APOO: variants seen among roughly 807,000 people sequenced by gnomAD.
APOO encodes MICOS complex subunit MIC26.
APOO carries 11 observed loss-of-function variants against 23.1 expected under a neutral mutation model. The ratio of observed to expected loss-of-function variants is 0.48; its 90% confidence interval spans 0.30 to 0.79. The LOEUF is 0.79. Among genes scored for constraint, APOO ranks in the 30% least tolerant of loss-of-function variants. The pLI, the probability that APOO is intolerant of heterozygous loss-of-function variation, is 0.07. For missense variants in APOO, 160 were observed against 142.7 expected (o/e 1.12, Z -0.62); for synonymous variants, 59 against 54.8 (o/e 1.08, Z -0.34).
intron 8 of APOO, among the ~76,000 whole-genome samples, chrX:23,839,672 T>A (rs907867270): frequency 8.9e-6 from 1 of 111,962 alleles, no homozygotes; most frequent in African/African-American, 3.2e-5. Context: ...ACACTTTCTG[T>A]CGTATCTCCT....
At chrX:23,847,059 G>C (rs943911030) in intron 7 of APOO, among the ~76,000 whole-genome samples, 1 of 111,402 alleles carries the variant, frequency 9.0e-6, no homozygotes, top group Non-Finnish European at 1.9e-5. Context: ...GGCATTTCAA[G>C]AAGAAGCCAA....
intron 7 of APOO, among the ~76,000 whole-genome samples, chrX:23,850,553 G>A (rs1024631574): frequency 3.6e-5 from 4 of 111,888 alleles, no homozygotes; most frequent in African/African-American, 9.7e-5. Flanking sequence ...ATGACCAGGC[G>A]CAGTGGCTCA....
At chrX:23,846,880 ACTT>A (rs1455999018) in intron 7 of APOO, among the ~76,000 whole-genome samples, 1 of 111,543 alleles carries the variant, frequency 9.0e-6, no homozygotes, top group East Asian at 2.8e-4. Flanking sequence ...TACATGAAGA[ACTT>A]CTTCTGATCA....
At chrX:23,894,666 T>G (rs1330694456) in intron 1 of APOO, among the ~76,000 whole-genome samples, 2 of 108,423 alleles carry the variant, frequency 1.8e-5, no homozygotes, top group Non-Finnish European at 3.8e-5. Context: ...CATGGTGGAG[T>G]GCGCCTGTAA....
intron 1 of APOO, among the ~76,000 whole-genome samples, chrX:23,883,208 C>T (rs181076203): frequency 5.4e-5 from 6 of 111,781 alleles, no homozygotes; most frequent in Admixed American, 2.8e-4. Context: ...TGAGGACAGG[C>T]ATTTCTGTTT....
intron 5 of APOO, among the ~76,000 whole-genome samples, chrX:23,865,894 C>A (rs1925315891): frequency 9.0e-6 from 1 of 111,291 alleles, no homozygotes; most frequent in Non-Finnish European, 1.9e-5. Flanking sequence ...TTAATACTAC[C>A]AAGCTCTCCC....
At chrX:23,873,372 C>T (rs1569236721) in intron 4 of APOO, among the ~76,000 whole-genome samples, 1 of 111,260 alleles carries the variant, frequency 9.0e-6, no homozygotes, top group Non-Finnish European at 1.9e-5. Context: ...TATTTTGGGC[C>T]GAGGCGGGCA....
At chrX:23,854,276 G>A (rs888679332) in intron 7 of APOO, among the ~76,000 whole-genome samples, 2 of 111,770 alleles carry the variant, frequency 1.8e-5, no homozygotes, top group African/African-American at 3.2e-5. Flanking sequence ...AGAGGCTCCC[G>A]CAGCCCTCAC....
chrX:23,875,809 T>G (rs1199226886), intron 3 of APOO, among the ~76,000 whole-genome samples: 2 of 111,164 alleles, frequency 1.8e-5, no homozygotes, highest in Admixed American at 1.9e-4. Flanking sequence ...AATGCCGAAT[T>G]AGCCAGAAGA....
intron 1 of APOO, among the ~76,000 whole-genome samples, chrX:23,907,422 G>C (rs1230056016): frequency 1.8e-5 from 2 of 112,348 alleles, no homozygotes; most frequent in Non-Finnish European, 3.8e-5. Context: ...TTTGGGGGAA[G>C]GCACTTTAAA....
At chrX:23,906,683 A>G (rs1927371949) in intron 1 of APOO, among the ~76,000 whole-genome samples, 1 of 112,482 alleles carries the variant, frequency 8.9e-6, no homozygotes, top group African/African-American at 3.2e-5. Context: ...GTAAGAGCAA[A>G]TACTAGGCCT....
At chrX:23,860,707 A>G (rs1462763074) in intron 5 of APOO, among the ~76,000 whole-genome samples, 1 of 106,670 alleles carries the variant, frequency 9.4e-6, no homozygotes, top group Non-Finnish European at 1.9e-5. Context: ...GTTTTTGTAG[A>G]CACGGGGTTT....
chrX:23,844,412 C>A (rs1024114231), intron 7 of APOO, among the ~76,000 whole-genome samples: 1 of 110,897 alleles, frequency 9.0e-6, no homozygotes, highest in Non-Finnish European at 1.9e-5. Flanking sequence ...TAATCAGTTG[C>A]CCTTAAAATA....
intron 1 of APOO, among the ~76,000 whole-genome samples, chrX:23,905,640 G>A (rs1008576112): frequency 3.6e-5 from 4 of 111,423 alleles, no homozygotes; most frequent in African/African-American, 1.3e-4. Flanking sequence ...TTGGCCGTCA[G>A]TGAGTCCTAT....
At chrX:23,881,782 CA>C (rs10713629) in intron 1 of APOO, among the ~76,000 whole-genome samples, 42,825 of 81,320 alleles carry the variant, frequency 0.53, 10,764 homozygotes, top group African/African-American at 0.87. Context: ...ACTAAAATTA[CA>C]AAAAAAAAAA....
At chrX:23,860,223 A>T (rs1280880769) in intron 5 of APOO, among the ~76,000 whole-genome samples, 1 of 110,783 alleles carries the variant, frequency 9.0e-6, no homozygotes, top group Non-Finnish European at 1.9e-5. Flanking sequence ...GATGGCAGGT[A>T]CCATGGGGAG....
intron 8 of APOO, among the ~76,000 whole-genome samples, chrX:23,835,287 T>C (rs780007580): frequency 1.8e-5 from 2 of 109,952 alleles, no homozygotes; most frequent in African/African-American, 6.6e-5. Context: ...GGTCTCGAAC[T>C]CCTGACCTGA....
chrX:23,862,902 A>G (rs1925144612), intron 5 of APOO, among the ~76,000 whole-genome samples: 1 of 40,035 alleles, frequency 2.5e-5, no homozygotes, highest in Non-Finnish European at 4.2e-5. Flanking sequence ...GGAGGAGGGA[A>G]GGGGAGGGAG....
intron 5 of APOO, 132 bp downstream of exon 5, chrX:23,868,461 T>C: frequency 2.2e-6 from 1 of 448,790 alleles, no homozygotes; most frequent in South Asian, 4.8e-5. Flanking sequence ...ACCATATCCA[T>C]TATACATTAA....
Sources: gnomAD v4.1 joint callset for allele counts (sites outside exome capture counted in the v4.1 genomes callset) on GRCh38, gnomAD v4.1.1 for gene constraint, MANE v1.5 for transcripts, NCBI Gene and HGNC (gene_info 2026-07-23, HGNC 2026-07-21) for gene names.